WDTC1: variants seen among roughly 807,000 people sequenced by gnomAD.
The protein encoded by WDTC1 is WD and tetratricopeptide repeats protein 1.
Under a neutral mutation model 76.0 loss-of-function variants are expected in WDTC1, and 12 were observed. The ratio of observed to expected loss-of-function variants is 0.16; its 90% confidence interval spans 0.10 to 0.26. WDTC1 has a LOEUF of 0.26. Among genes scored for constraint, WDTC1 ranks in the 10% least tolerant of loss-of-function variants. WDTC1 has a pLI of 1.00. For missense variants in WDTC1, 511 were observed against 908.8 expected (o/e 0.56, Z 5.63); for synonymous variants, 326 against 350.8 (o/e 0.93, Z 0.79).
chr1:27,294,988 G>A (rs1457630966), intron 9 of WDTC1, among the ~76,000 whole-genome samples: 3 of 152,060 alleles, frequency 2.0e-5, no homozygotes, highest in Admixed American at 6.6e-5. Flanking sequence ...CAGTTTCCTC[G>A]TCTGCTATTT....
At chr1:27,242,480 T>TGAGACG (rs1218457155) in intron 1 of WDTC1, among the ~76,000 whole-genome samples, 1 of 151,706 alleles carries the variant, frequency 6.6e-6, no homozygotes, top group Non-Finnish European at 1.5e-5. Flanking sequence ...CTTTTTTTTT[T>TGAGACG]GAGACGGAGA....
chr1:27,262,594 G>T (rs928302867), intron 2 of WDTC1, among the ~76,000 whole-genome samples: 7 of 151,990 alleles, frequency 4.6e-5, no homozygotes, highest in Admixed American at 2.6e-4. Context: ...TACCATGTTG[G>T]CCAGGCTGGT....
chr1:27,278,956 G>C (rs1241360577), intron 3 of WDTC1, among the ~76,000 whole-genome samples: 1 of 152,146 alleles, frequency 6.6e-6, no homozygotes, highest in East Asian at 1.9e-4. Context: ...CCAGCTACTT[G>C]AGAGACTGAG....
intron 1 of WDTC1, among the ~76,000 whole-genome samples, chr1:27,245,325 C>T (rs964614458): frequency 2.6e-5 from 4 of 151,744 alleles, no homozygotes; most frequent in Non-Finnish European, 5.9e-5. Context: ...ATTATTCATT[C>T]AGCAAATATT....
At chr1:27,240,435 G>A (rs1221936165) in intron 1 of WDTC1, among the ~76,000 whole-genome samples, 1 of 152,136 alleles carries the variant, frequency 6.6e-6, no homozygotes, top group Admixed American at 6.6e-5. Flanking sequence ...GAGGCTTATT[G>A]TAGTACCTAC....
intron 1 of WDTC1, among the ~76,000 whole-genome samples, chr1:27,258,957 ACTT>A (rs1280272943): frequency 6.6e-6 from 1 of 152,134 alleles, no homozygotes; most frequent in African/African-American, 2.4e-5. Context: ...GAAAGACTAA[ACTT>A]CTGTGTGGCT....
chr1:27,273,264 A>G (rs1281848568), intron 3 of WDTC1, among the ~76,000 whole-genome samples: 1 of 130,818 alleles, frequency 7.6e-6, no homozygotes, highest in East Asian at 2.3e-4. Context: ...GCTGGAGTGC[A>G]GTGGCACGAT....
At chr1:27,272,358 C>T (rs918968501) in intron 3 of WDTC1, among the ~76,000 whole-genome samples, 5 of 152,144 alleles carry the variant, frequency 3.3e-5, no homozygotes, top group Non-Finnish European at 5.9e-5. Context: ...AGTACTCCCA[C>T]AGTGCTGGGA....
chr1:27,283,441 T>G lies in WDTC1; in HGVS notation c.283T>G (p.Ser95Ala). ...MHTGHTANIF[S>A]VKFLPHAGDR... ...CACGGGACACACCGCAAATATCTTC[T>G]CTGTCAAGGTGAGCAGGACAAGCCA... Residue 95 changes from serine to alanine, a missense_variant, in exon 5 of 16, where the codon TCT (serine) becomes GCT (alanine). Physicochemically the swap from Ser to Ala is moderately conservative, Grantham distance 99. Coordinates refer to ENST00000319394, the MANE Select transcript of WDTC1 (RefSeq NM_001276252.2). 6.2e-7 allele frequency: 1 copy of G among 1,612,130 alleles called. No individual in the cohort carries two copies. The highest frequency in any genetic ancestry group is 8.5e-7 in the Non-Finnish European group (1 of 1,179,956).
chr1:27,254,622 C>G (rs1445935997), intron 1 of WDTC1, among the ~76,000 whole-genome samples: 4 of 151,996 alleles, frequency 2.6e-5, no homozygotes, highest in African/African-American at 9.6e-5. Flanking sequence ...AAGTAGGCAT[C>G]AGTTGTATTA....
rs765599177 is a variant in WDTC1, at chr1:27,274,226, G to C, written c.133-8013G>C. ...GGATTGCTTGAGCCTAGGAGGTTGA[G>C]GCTGCAGTGAGCCATGATCATACCA... On this transcript the variant is annotated intron_variant, in intron 3 of 15. Coordinates refer to ENST00000319394, the MANE Select transcript of WDTC1 (RefSeq NM_001276252.2). This position sits in a 1 kb window ranked among gnomAD's most constrained non-coding sequence, Gnocchi z 4.2. Among the ~76,000 whole-genome samples, 2 of 152,082 alleles carry C rather than the reference G, an allele frequency of 1.3e-5. No homozygotes were observed. The highest frequency in any genetic ancestry group is 2.9e-5 in the Non-Finnish European group (2 of 68,018).
chr1:27,299,481 G>A (rs1265626435), intron 12 of WDTC1, among the ~76,000 whole-genome samples: 2 of 152,048 alleles, frequency 1.3e-5, no homozygotes, highest in Non-Finnish European at 2.9e-5. Context: ...AGGAGATGAA[G>A]GAGAGGAGGG....
rs568851133 is a variant in WDTC1 at position 27,294,615 on chromosome 1, A to G, written c.859A>G (p.Met287Val). ...CAATGGCACAGAGCTACTAGTCAAC[A>G]TGGGGGGGGAACAGGTATGTACAGC... ...SPNGTELLVN[M>V]GGEQVYLFDL... Residue 287 changes from methionine (M) to valine (V), a missense_variant, in exon 9 of 16, where the codon ATG becomes GTG. Coordinates refer to ENST00000319394, the MANE Select transcript of WDTC1 (RefSeq NM_001276252.2). 5 of 1,613,940 alleles carry G rather than the reference A, an allele frequency of 3.1e-6. No individual in the cohort carries two copies. The highest frequency in any genetic ancestry group is 3.4e-6 in the Non-Finnish European group (4 of 1,179,896).
chr1:27,259,483 T>C (rs2012404444), intron 1 of WDTC1, among the ~76,000 whole-genome samples: 1 of 151,872 alleles, frequency 6.6e-6, no homozygotes. Flanking sequence ...TTGAGTTTTG[T>C]TATGATAAAA....
chr1:27,264,031 G>A (rs1300689106), intron 3 of WDTC1, among the ~76,000 whole-genome samples: 1 of 151,966 alleles, frequency 6.6e-6, no homozygotes. Context: ...GCTCATGCCT[G>A]TATTCGCAGC....
At chr1:27,296,553 G>A in intron 10 of WDTC1, 152 bp downstream of exon 10, 1 of 789,288 alleles carries the variant, frequency 1.3e-6, no homozygotes, top group Non-Finnish European at 2.1e-6. Flanking sequence ...GTAAGAAAGA[G>A]GATGACAATA....
At chr1:27,294,795 A>G (rs1207019346) in intron 9 of WDTC1, among the ~76,000 whole-genome samples, 166 bp downstream of exon 9, 2 of 152,194 alleles carry the variant, frequency 1.3e-5, no homozygotes, top group Non-Finnish European at 2.9e-5. Flanking sequence ...GTTCCCAGAG[A>G]GATGTCCTAG....
intron 1 of WDTC1, among the ~76,000 whole-genome samples, chr1:27,253,949 G>A (rs2012188152): frequency 6.6e-6 from 1 of 151,892 alleles, no homozygotes; most frequent in African/African-American, 2.4e-5. Flanking sequence ...TCTCATCCTC[G>A]AATAACTATT....
At chr1:27,269,158 T>C (rs1304789716) in intron 3 of WDTC1, among the ~76,000 whole-genome samples, 6 of 119,804 alleles carry the variant, frequency 5.0e-5, no homozygotes, top group Non-Finnish European at 1.0e-4. Flanking sequence ...GGAGGCCCTG[T>C]TTCTCCAAAA....
Sources: gnomAD v4.1 joint callset for allele counts (sites outside exome capture counted in the v4.1 genomes callset) on GRCh38, gnomAD v4.1.1 for gene constraint, Gnocchi (gnomAD v3.1) non-coding constraint, MANE v1.5 for transcripts, NCBI Gene and HGNC (gene_info 2026-07-23, HGNC 2026-07-21) for gene names.